MACROD2: variants seen among roughly 807,000 people sequenced by gnomAD.
MACROD2 encodes mono-ADP ribosylhydrolase 2, also known as ADP-ribose glycohydrolase MACROD2.
Under a neutral mutation model 70.4 loss-of-function variants are expected in MACROD2, and 36 were observed. The observed-to-expected ratio is 0.51, with a 90% CI of 0.39 to 0.68. The LOEUF is 0.68. Among genes scored for constraint, MACROD2 ranks in the 30% least tolerant of loss-of-function variants. The pLI, the probability that MACROD2 is intolerant of heterozygous loss-of-function variation, is 0.00. For synonymous variants in MACROD2, 172 were observed against 178.8 expected, an observed-to-expected ratio of 0.96 and a Z score of 0.30; for missense variants, 496 against 538.4, an observed-to-expected ratio of 0.92 and a Z score of 0.78.
intron 15 of MACROD2, among the ~76,000 whole-genome samples, chr20:16,003,172 A>C (rs1315375609): frequency 4.6e-5 from 7 of 151,814 alleles, no homozygotes; most frequent in Admixed American, 4.6e-4. Flanking sequence ...GTGAAAACAG[A>C]TTCATCTGGA....
chr20:14,212,989 T>C (rs2081582983), intron 3 of MACROD2, among the ~76,000 whole-genome samples: 1 of 151,804 alleles, frequency 6.6e-6, no homozygotes, highest in Admixed American at 6.6e-5. Context: ...TCAGTATACA[T>C]CACGCAACAA....
At chr20:14,698,020 C>G (rs1450387706) in intron 5 of MACROD2, among the ~76,000 whole-genome samples, 6 of 152,150 alleles carry the variant, frequency 3.9e-5, no homozygotes, top group Non-Finnish European at 8.8e-5. Flanking sequence ...GTGCCAGGTG[C>G]TTTGCTTATT....
At chr20:14,720,533 C>A (rs1335123201) in intron 5 of MACROD2, among the ~76,000 whole-genome samples, 79 of 65,610 alleles carry the variant, frequency 1.2e-3, no homozygotes, top group Non-Finnish European at 1.7e-3. Context: ...AGCTGCCCCA[C>A]AACTTTTTTT....
chr20:14,597,959 A>T (rs1407956713), intron 4 of MACROD2, among the ~76,000 whole-genome samples: 2 of 152,152 alleles, frequency 1.3e-5, no homozygotes, highest in African/African-American at 2.4e-5. Context: ...TTCAACTGTG[A>T]GTAATTAAAA....
chr20:14,103,490 A>G (rs2054326165), intron 3 of MACROD2, among the ~76,000 whole-genome samples: 1 of 152,226 alleles, frequency 6.6e-6, no homozygotes, highest in African/African-American at 2.4e-5. Context: ...TTTTTAAAAA[A>G]GAGAACAGTT....
intron 5 of MACROD2, among the ~76,000 whole-genome samples, chr20:15,054,532 GAT>G (rs1464954196): frequency 6.6e-6 from 1 of 152,040 alleles, no homozygotes; most frequent in East Asian, 1.9e-4. Flanking sequence ...TTATTTTTTA[GAT>G]ATAATGCTAT....
chr20:15,288,794 T>C (rs2077514512), intron 6 of MACROD2, among the ~76,000 whole-genome samples: 2 of 152,116 alleles, frequency 1.3e-5, no homozygotes, highest in Admixed American at 1.3e-4. Context: ...GTGGGACTTT[T>C]AAGCCTCCAT....
intron 6 of MACROD2, among the ~76,000 whole-genome samples, chr20:15,333,805 T>C (rs2078019248): frequency 6.6e-6 from 1 of 151,616 alleles, no homozygotes. Flanking sequence ...ATTAATTGTG[T>C]TCAGAAAAAA....
chr20:15,366,610 G>A (rs1192486595), intron 6 of MACROD2, among the ~76,000 whole-genome samples: 1 of 151,236 alleles, frequency 6.6e-6, no homozygotes, highest in Non-Finnish European at 1.5e-5. Flanking sequence ...GAGTATGGTG[G>A]TGCAATCATA....
intron 12 of MACROD2, among the ~76,000 whole-genome samples, chr20:15,948,673 G>A (rs2065863328): frequency 6.6e-6 from 1 of 152,038 alleles, no homozygotes; most frequent in African/African-American, 2.4e-5. Context: ...CTTCTTTTAA[G>A]GAAGTACATG....
intron 3 of MACROD2, among the ~76,000 whole-genome samples, chr20:14,095,328 T>C (rs1408137779): frequency 2.6e-5 from 4 of 152,054 alleles, no homozygotes; most frequent in South Asian, 2.1e-4. Flanking sequence ...AACACAGCCA[T>C]AGAGGATAGG....
chr20:14,890,469 C>T (rs992761177), intron 5 of MACROD2, among the ~76,000 whole-genome samples: 7 of 151,988 alleles, frequency 4.6e-5, no homozygotes, highest in Admixed American at 2.0e-4. Flanking sequence ...TTCATGGTGT[C>T]GAGGTCTGTT....
chr20:14,579,094 AT>A (rs34954410), intron 4 of MACROD2, among the ~76,000 whole-genome samples: 2 of 90,976 alleles, frequency 2.2e-5, no homozygotes. Context: ...TAACACATTC[AT>A]TTTTTTTTCT....
At chr20:14,885,481 T>A (rs2073662885) in intron 5 of MACROD2, among the ~76,000 whole-genome samples, 1 of 152,172 alleles carries the variant, frequency 6.6e-6, no homozygotes, top group South Asian at 2.1e-4. Flanking sequence ...TCTCTCTGCC[T>A]CCAGCCTTAC....
At chr20:15,298,977 A>T (rs1193088903) in intron 6 of MACROD2, among the ~76,000 whole-genome samples, 1 of 152,188 alleles carries the variant, frequency 6.6e-6, no homozygotes, top group Non-Finnish European at 1.5e-5. Context: ...TAAGTTTTTG[A>T]TCCATAATCT....
At chr20:14,240,852 T>C (rs2081922950) in intron 3 of MACROD2, among the ~76,000 whole-genome samples, 1 of 152,170 alleles carries the variant, frequency 6.6e-6, no homozygotes, top group Non-Finnish European at 1.5e-5. Flanking sequence ...AAGTTTTGGC[T>C]GGGCGTGGCG....
intron 13 of MACROD2, among the ~76,000 whole-genome samples, chr20:15,968,705 T>G (rs1026672541): frequency 1.3e-5 from 2 of 150,080 alleles, no homozygotes; most frequent in Middle Eastern, 3.5e-3. Flanking sequence ...AATGAAAGTC[T>G]AAATAATTTA....
At chr20:15,159,639 G>A (rs1248308417) in intron 5 of MACROD2, among the ~76,000 whole-genome samples, 1 of 151,946 alleles carries the variant, frequency 6.6e-6, no homozygotes, top group East Asian at 1.9e-4. Context: ...TTGGTTTTTG[G>A]TTGATATGGG....
At chr20:15,895,365 T>C (rs2064954800) in intron 10 of MACROD2, among the ~76,000 whole-genome samples, 2 of 152,200 alleles carry the variant, frequency 1.3e-5, no homozygotes, top group African/African-American at 4.8e-5. Flanking sequence ...TGGTGAAATG[T>C]GAATGTGAGG....
Sources: allele counts gnomAD v4.1 joint callset (sites outside exome capture counted in the v4.1 genomes callset), GRCh38; gene constraint gnomAD v4.1.1; transcripts MANE v1.5; gene names NCBI Gene and HGNC (gene_info 2026-07-23, HGNC 2026-07-21).